CENPC: variants seen among roughly 807,000 people sequenced by gnomAD.
CENPC encodes CENP-C 1.
Under a neutral mutation model 112.1 loss-of-function variants are expected in CENPC, and 63 were observed. The observed-to-expected ratio is 0.56, with a 90% confidence interval of 0.46 to 0.69. The LOEUF (loss-of-function observed/expected upper bound fraction) is 0.69. CENPC is among the 30% of genes least tolerant of loss of function. The pLI is 0.00. For missense variants in CENPC, 1,000 were observed against 1,103.8 expected, an observed-to-expected ratio of 0.91 and a Z score of 1.33; for synonymous variants, 333 against 367.6, an observed-to-expected ratio of 0.91 and a Z score of 1.08.
chr4:67,525,820 G>T (rs1726360349), intron 5 of CENPC, among the ~76,000 whole-genome samples: 1 of 152,146 alleles, frequency 6.6e-6, no homozygotes, highest in African/African-American at 2.4e-5. Context: ...CCCATCACTG[G>T]GTATGTACCC....
intron 5 of CENPC, among the ~76,000 whole-genome samples, chr4:67,524,456 T>G (rs917046917): frequency 6.6e-6 from 1 of 152,172 alleles, no homozygotes; most frequent in Admixed American, 6.6e-5. Flanking sequence ...GTCCCAAAAC[T>G]CCTTAAGCTC....
At position 67,519,403 on chromosome 4, in the gene CENPC, T is replaced by C. The variant is rs747047325; in HGVS notation, c.431A>G (p.His144Arg). The C allele has an allele frequency of 1.2e-6, 2 of 1,612,926 alleles. No individual in the cohort carries two copies. The highest frequency in any genetic ancestry group is 1.1e-5 in the South Asian group (1 of 90,946). ...AAATTCTTCATCAGCTTCACTGTGA[T>C]GATCATTTATGTTTCTACTTGATAT... ...KKISSRNIND[H>R]HSEADEEFYL... is the part of the protein sequence containing the mutation. Residue 144 changes from histidine (H) to arginine (R), a missense_variant, in exon 6 of 19, where the codon CAT (histidine) becomes CGT (arginine). His to Arg is a conservative substitution (Grantham distance 29, BLOSUM62 0). Transcript: ENST00000273853.
At chr4:67,537,809 T>C (rs149553998) in intron 4 of CENPC, among the ~76,000 whole-genome samples, 253 of 151,788 alleles carry the variant, frequency 1.7e-3, no homozygotes, top group African/African-American at 5.9e-3. Flanking sequence ...GATAGATAGA[T>C]AGAGAAATAA....
At chr4:67,512,351 T>G in intron 9 of CENPC, 51 bp downstream of exon 9, 1 of 1,330,534 alleles carries the variant, frequency 7.5e-7, no homozygotes, top group Non-Finnish European at 1.0e-6. Context: ...TAATGCCCCT[T>G]ACAGAATGAT....
chr4:67,520,697 T>A (rs1352283504), intron 5 of CENPC, among the ~76,000 whole-genome samples: 1 of 152,020 alleles, frequency 6.6e-6, no homozygotes. Context: ...TTAACTATCA[T>A]TGAAAATAAA....
chr4:67,536,682 C>T (rs1388119297), intron 4 of CENPC, among the ~76,000 whole-genome samples: 1 of 151,428 alleles, frequency 6.6e-6, no homozygotes, highest in Non-Finnish European at 1.5e-5. Context: ...AAAACCCTAA[C>T]ACCTACAAAG....
rs572814031 is a variant in CENPC at position 67,499,883 on chromosome 4, G to A, written c.2132-4671C>T. Among the ~76,000 whole-genome samples the A allele has an allele frequency of 1.4e-4, 22 of 152,114 alleles. No homozygotes were observed. The South Asian group carries it at 1.7e-3, about 11-fold the overall frequency. ...TTTACTTGAACACTTAGAAGCCATC[G>A]TAGGGTTATTATTGGCCTAATTTCA... On this transcript the variant is annotated intron_variant, in intron 12 of 18. Transcript: ENST00000273853.
chr4:67,475,004 A>C, intron 17 of CENPC, 26 bp from the exon 18 acceptor site: 811 of 1,241,536 alleles, frequency 6.5e-4, no homozygotes, highest in Non-Finnish European at 8.3e-4. Context: ...TAAAAATCTC[A>C]TTCAAAACTG....
chr4:67,495,904 C>A (rs1237093940), intron 12 of CENPC, among the ~76,000 whole-genome samples: 1 of 152,178 alleles, frequency 6.6e-6, no homozygotes. Flanking sequence ...CCTTTCTATG[C>A]ACAAATGTTC....
intron 4 of CENPC, among the ~76,000 whole-genome samples, chr4:67,534,340 C>T (rs1191489755): frequency 1.3e-5 from 2 of 152,032 alleles, no homozygotes; most frequent in Non-Finnish European, 2.9e-5. Flanking sequence ...TGCTTGAACC[C>T]GGGAGGCAGA....
intron 17 of CENPC, among the ~76,000 whole-genome samples, chr4:67,482,671 T>C (rs1342852263): frequency 6.6e-6 from 1 of 152,170 alleles, no homozygotes; most frequent in African/African-American, 2.4e-5. Flanking sequence ...TTGTATGTTC[T>C]CACTTATAAG....
At chr4:67,495,593 G>C (rs1257739990) in intron 12 of CENPC, among the ~76,000 whole-genome samples, 1 of 152,132 alleles carries the variant, frequency 6.6e-6, no homozygotes, top group African/African-American at 2.4e-5. Flanking sequence ...ACTCATGACT[G>C]TATTCGCTCC....
At chr4:67,540,833 T>C (rs1726865731) in intron 3 of CENPC, 147 bp downstream of exon 3, 2 of 641,616 alleles carry the variant, frequency 3.1e-6, no homozygotes, top group South Asian at 1.9e-5. Context: ...ACACAAAGGA[T>C]TGCATATGAA....
chr4:67,532,330 A>T (rs918229399), intron 4 of CENPC, among the ~76,000 whole-genome samples: 2 of 152,160 alleles, frequency 1.3e-5, no homozygotes, highest in African/African-American at 4.8e-5. Context: ...ATTGTGGAAG[A>T]CAGTGTGGCA....
chr4:67,478,579 A>C (rs538721347), intron 17 of CENPC, among the ~76,000 whole-genome samples: 1 of 152,088 alleles, frequency 6.6e-6, no homozygotes, highest in African/African-American at 2.4e-5. Flanking sequence ...AAAACTCAAA[A>C]TATATCAAAA....
At chr4:67,527,819 A>G (rs1007660301) in intron 5 of CENPC, among the ~76,000 whole-genome samples, 1 of 151,922 alleles carries the variant, frequency 6.6e-6, no homozygotes, top group Non-Finnish European at 1.5e-5. Context: ...GTTATTTAAC[A>G]TAATACTGAA....
At chr4:67,507,712 T>G (rs759327972) in intron 10 of CENPC, among the ~76,000 whole-genome samples, 1 of 152,022 alleles carries the variant, frequency 6.6e-6, no homozygotes, top group Non-Finnish European at 1.5e-5. Flanking sequence ...TTTCAAAAAA[T>G]AGAGAGATAA....
chr4:67,538,332 G>A (rs1726785838), intron 4 of CENPC, among the ~76,000 whole-genome samples: 1 of 152,110 alleles, frequency 6.6e-6, no homozygotes, highest in African/African-American at 2.4e-5. Flanking sequence ...AAGTCATTTA[G>A]AAGTCATTGC....
intron 17 of CENPC, among the ~76,000 whole-genome samples, chr4:67,486,736 G>A (rs1010033561): frequency 6.6e-6 from 1 of 152,152 alleles, no homozygotes; most frequent in African/African-American, 2.4e-5. Flanking sequence ...AATGTTACTA[G>A]TGCCATGGTT....
Sources: allele counts gnomAD v4.1 joint callset (sites outside exome capture counted in the v4.1 genomes callset), GRCh38; gene constraint gnomAD v4.1.1; transcripts MANE v1.5; gene names NCBI Gene and HGNC (gene_info 2026-07-23, HGNC 2026-07-21).